NRXN3: variants seen among roughly 807,000 people sequenced by gnomAD.
NRXN3 encodes the protein neurexin III.
A neutral mutation model predicts 137.6 loss-of-function variants in NRXN3; 32 were observed. The ratio of observed to expected loss-of-function variants is 0.23; its 90% CI spans 0.18 to 0.31. The LOEUF is 0.31. Among genes scored for constraint, NRXN3 ranks in the 10% least tolerant of loss-of-function variants. The pLI is 1.00. For synonymous variants in NRXN3, 798 were observed against 784.5 expected (o/e 1.02, Z -0.29); for missense variants, 1,574 against 2,062.5 (o/e 0.76, Z 4.59).
intron 15 of NRXN3, among the ~76,000 whole-genome samples, chr14:79,319,519 G>A (rs951402768): frequency 2.6e-5 from 4 of 152,120 alleles, no homozygotes; most frequent in South Asian, 2.1e-4. Flanking sequence ...ACTGCTTAGC[G>A]GAAGCAGACT....
At chr14:79,159,079 T>C (rs1240880292) in intron 15 of NRXN3, among the ~76,000 whole-genome samples, 2 of 151,878 alleles carry the variant, frequency 1.3e-5, no homozygotes, top group African/African-American at 4.8e-5. Context: ...CTCAAAATAC[T>C]CTCATAATAA....
In NRXN3 at chr14:79,469,374, G is replaced by T. The variant is rs188970336; in HGVS notation, c.3444+1972G>T. 6.8e-3 allele frequency among the ~76,000 whole-genome samples: 1,028 copies of T among 152,246 alleles called. 9 individuals carry two copies. Among genetic ancestry groups the T allele is most frequent in the Non-Finnish European group, 0.011 (717 of 68,022 alleles). ...TTCTAGGAGGAACCAGAACATTCCA[G>T]TATATTTTAATATACCATTATAAAG... On this transcript the variant is annotated intron_variant, in intron 16 of 20. Coordinates refer to ENST00000335750, the MANE Select transcript of NRXN3 (RefSeq NM_001330195.2).
chr14:79,055,093 T>C (rs2099655395), intron 15 of NRXN3, among the ~76,000 whole-genome samples: 1 of 152,180 alleles, frequency 6.6e-6, no homozygotes, highest in Admixed American at 6.5e-5. Flanking sequence ...GCTCCTTCTG[T>C]TTCTATTCCT....
chr14:78,900,198 G>A (rs2099190993), intron 10 of NRXN3, among the ~76,000 whole-genome samples: 1 of 151,338 alleles, frequency 6.6e-6, no homozygotes, highest in African/African-American at 2.4e-5. Flanking sequence ...CCCAAACAGT[G>A]GGTTCTATTT....
rs554654576 is a variant in NRXN3 at position 79,637,729 on chromosome 14, C to CTTTTTTTTTTTTTTTTTTTTTTT, written c.3445-26031_3445-26030insTTTTTTTTTTTTTTTTTTTTTTT. 2.0e-3 allele frequency among the ~76,000 whole-genome samples: 189 copies of CTTTTTTTTTTTTTTTTTTTTTTT among 95,592 alleles called. 37 individuals are homozygous for CTTTTTTTTTTTTTTTTTTTTTTT. Among genetic ancestry groups the CTTTTTTTTTTTTTTTTTTTTTTT allele is most frequent in the African/African-American group, 3.8e-3 (70 of 18,396 alleles). 62.7% of individuals were successfully genotyped at this position (95,592 alleles called of 152,430 possible). On this transcript the variant is annotated intron_variant, in intron 16 of 20. Transcript: ENST00000335750. ...AACTGATGTAAGATATAGAAAAGTTCTTTTTTTTTTTTTTTTTTGAGATGG... is the reference window on the plus strand; with the variant it reads ...AACTGATGTAAGATATAGAAAAGTTCTTTTTTTTTTTTTTTTTTTTTTTTTTTTTTTTTTTTTTTTTGAGATGG...
intron 13 of NRXN3, among the ~76,000 whole-genome samples, chr14:78,967,821 G>A (rs566580681): frequency 5.3e-5 from 8 of 152,212 alleles, no homozygotes; most frequent in South Asian, 4.2e-4. Flanking sequence ...TGTATAGGTC[G>A]TGAGAAGTTT....
intron 16 of NRXN3, among the ~76,000 whole-genome samples, chr14:79,501,932 A>C (rs1182513399): frequency 6.6e-6 from 1 of 152,144 alleles, no homozygotes; most frequent in Non-Finnish European, 1.5e-5. Context: ...TTTATTTGGA[A>C]AAGCCACTTC....
At chr14:78,266,841 G>A (rs1403202508) in intron 2 of NRXN3, among the ~76,000 whole-genome samples, 2 of 151,920 alleles carry the variant, frequency 1.3e-5, no homozygotes, top group Non-Finnish European at 2.9e-5. Flanking sequence ...GAAATGGAGG[G>A]GTACAAAGGA....
At chr14:78,658,078 C>G (rs1823508296) in intron 6 of NRXN3, among the ~76,000 whole-genome samples, 1 of 152,138 alleles carries the variant, frequency 6.6e-6, no homozygotes, top group African/African-American at 2.4e-5. Context: ...ATGTCTCTGT[C>G]CATAAGCAGG....
chr14:78,250,436 C>T (rs2068426662), intron 2 of NRXN3, among the ~76,000 whole-genome samples: 1 of 152,212 alleles, frequency 6.6e-6, no homozygotes, highest in African/African-American at 2.4e-5. Flanking sequence ...ACCCCTACCT[C>T]CACCAGTTTC....
chr14:79,014,482 A>G (rs2099576020), intron 15 of NRXN3, among the ~76,000 whole-genome samples: 1 of 152,052 alleles, frequency 6.6e-6, no homozygotes, highest in East Asian at 1.9e-4. Context: ...TATGTATCAC[A>G]TTTTCTTTAT....
intron 10 of NRXN3, among the ~76,000 whole-genome samples, chr14:78,874,073 G>T (rs974170224): frequency 1.3e-5 from 2 of 151,248 alleles, no homozygotes; most frequent in Admixed American, 6.6e-5. Context: ...CCAGGTTCAA[G>T]TGGTTCTCCT....
chr14:78,442,797 G>A (rs2094301348), intron 4 of NRXN3, among the ~76,000 whole-genome samples: 2 of 152,162 alleles, frequency 1.3e-5, no homozygotes, highest in East Asian at 3.8e-4. Context: ...AACAACATAA[G>A]GACAGGGCCT....
intron 1 of NRXN3, among the ~76,000 whole-genome samples, chr14:78,174,995 G>C (rs1177857730): frequency 6.6e-6 from 1 of 152,110 alleles, no homozygotes; most frequent in Non-Finnish European, 1.5e-5. Context: ...CCACCTCTTG[G>C]GCGGCTCGGC....
chr14:78,493,153 G>A (rs543039375), intron 4 of NRXN3, among the ~76,000 whole-genome samples: 19 of 152,186 alleles, frequency 1.2e-4, no homozygotes, highest in African/African-American at 4.1e-4. Flanking sequence ...GATGCTGTGC[G>A]TTTTGTGTCC....
At chr14:78,841,757 T>A (rs1026018664) in intron 10 of NRXN3, among the ~76,000 whole-genome samples, 4 of 152,230 alleles carry the variant, frequency 2.6e-5, no homozygotes, top group Admixed American at 2.0e-4. Flanking sequence ...AGTAAAGTGG[T>A]GGATTCAGAA....
intron 15 of NRXN3, among the ~76,000 whole-genome samples, chr14:79,283,035 A>T (rs1454879208): frequency 6.6e-6 from 1 of 152,220 alleles, no homozygotes; most frequent in African/African-American, 2.4e-5. Flanking sequence ...TTGCTAATGC[A>T]CTTCTCATTC....
At chr14:79,651,837 G>A (rs1397839362) in intron 16 of NRXN3, among the ~76,000 whole-genome samples, 1 of 152,152 alleles carries the variant, frequency 6.6e-6, no homozygotes, top group Non-Finnish European at 1.5e-5. Flanking sequence ...GTCATTCCTA[G>A]ATCAGTGATC....
At chr14:78,199,065 G>A (rs2061458321) in intron 1 of NRXN3, among the ~76,000 whole-genome samples, 2 of 152,220 alleles carry the variant, frequency 1.3e-5, no homozygotes, top group African/African-American at 4.8e-5. Context: ...GATCAGCAGA[G>A]GCACATTGTC....
Sources: allele counts gnomAD v4.1 joint callset (sites outside exome capture counted in the v4.1 genomes callset), GRCh38; gene constraint gnomAD v4.1.1; transcripts MANE v1.5; gene names NCBI Gene and HGNC (gene_info 2026-07-23, HGNC 2026-07-21).